The following DGKZ variants were observed in gnomAD, a reference collection of about 807,000 sequenced individuals.
The protein encoded by DGKZ is DAG kinase zeta.
DGKZ carries 45 observed loss-of-function variants against 142.5 expected under a neutral mutation model. That is an observed-to-expected ratio of 0.32 (90% CI 0.25 to 0.40). The LOEUF (loss-of-function observed/expected upper bound fraction) is 0.40, where lower values mean the gene tolerates loss of function less well. DGKZ is among the 10% of genes least tolerant of loss of function. The probability of loss-of-function intolerance (pLI) is 1.00; values close to 1 mark genes in which losing one functional copy is unlikely to be tolerated. For synonymous variants in DGKZ, 442 were observed against 527.0 expected (o/e 0.84, Z 2.21); for missense variants, 755 against 1,306.5 (o/e 0.58, Z 6.51).
exon 31 of DGKZ, chr11:46,379,938 G>C (rs748812695): frequency 1.9e-6 from 3 of 1,605,598 alleles, no homozygotes; most frequent in African/African-American, 1.3e-5. Flanking sequence ...ACCAGGAGAC[G>C]GCTGTGTAGC....
chr11:46,343,845 C>T (rs919230218), upstream of DGKZ, among the ~76,000 whole-genome samples: 1 of 152,172 alleles, frequency 6.6e-6, no homozygotes, highest in Non-Finnish European at 1.5e-5. Flanking sequence ...TTCAGGTCTG[C>T]TCTCAAATAT....
intron 6 of DGKZ, among the ~76,000 whole-genome samples, chr11:46,370,990 CAA>C (rs1228693371): frequency 3.9e-5 from 6 of 152,134 alleles, no homozygotes; most frequent in African/African-American, 1.2e-4. Flanking sequence ...GAGGCTGAGA[CAA>C]GAGAATCGCT....
In DGKZ at chr11:46,366,838, C is replaced by T. The variant is rs575319324; in HGVS notation, c.162-453C>T. 7.1e-6 allele frequency: 11 copies of T among 1,546,090 alleles called. No individual in the cohort carries two copies. In the East Asian group the frequency reaches 1.7e-4, roughly 24 times the overall value. On this transcript the variant is annotated intron_variant, in intron 1 of 30. Coordinates refer to ENST00000527911, the Ensembl canonical transcript of DGKZ. ...GCCTCAGCCAGCGGCGGCCCTCAGG[C>T]CAGCACCCTGGCCCTGGGGGCCGAA... is the stretch of plus-strand genomic sequence containing the variant.
Position 46,372,194 on chromosome 11 carries a change from C to T in DGKZ, c.927+24C>T, listed in dbSNP as rs745473763. 4.0e-5 allele frequency: 63 copies of T among 1,577,764 alleles called. No individual in the cohort carries two copies. The highest frequency in any genetic ancestry group is 5.4e-5 in the Non-Finnish European group (63 of 1,158,686). On this transcript the variant is annotated intron_variant, in intron 10 of 30. Coordinates refer to ENST00000527911, the Ensembl canonical transcript of DGKZ. This position sits in a 1 kb window ranked among gnomAD's most constrained non-coding sequence, Gnocchi z 5.9. ...AGGTGAACGCGGCCTTGCCTCTCAG[C>T]TAAGGGCTCGGGCGGGGGTTGGGGT...
intron 4 of DGKZ, 80 bp from the exon 5 acceptor site, chr11:46,369,414 G>A: frequency 1.9e-6 from 3 of 1,554,138 alleles, no homozygotes; most frequent in Non-Finnish European, 2.7e-6. Context: ...ATGACTCTGG[G>A]TTGTCCTGGA....
In DGKZ at chr11:46,379,225, G is replaced by A. The variant is rs573273460; in HGVS notation, c.2562G>A (p.Ala854=). The change falls in exon 29 of 31, where the codon GCG becomes GCA. Residue 854 remains alanine, a synonymous_variant. Coordinates refer to ENST00000527911, the Ensembl canonical transcript of DGKZ. ...CAGCCCCCCCAGAGATCCTTGATGC[G>A]GTGGAGGAAAAGTAAGTATCTGGGC... 89 of 1,613,148 alleles carry A rather than the reference G, an allele frequency of 5.5e-5. 1 individual carries two copies. The Middle Eastern group carries it at 2.6e-3, about 48-fold the overall frequency.
At chr11:46,341,893 A>G (rs1940295004) in intron 1 of DGKZ, among the ~76,000 whole-genome samples, 1 of 152,206 alleles carries the variant, frequency 6.6e-6, no homozygotes, top group South Asian at 2.1e-4. Flanking sequence ...AAATCTCTGC[A>G]GGGAAAGCCT....
chr11:46,352,724 C>T (rs1299284674), intron 1 of DGKZ, among the ~76,000 whole-genome samples: 4 of 152,242 alleles, frequency 2.6e-5, no homozygotes, highest in Non-Finnish European at 5.9e-5. Context: ...GGATCTGCCA[C>T]ACCTGCGGCC....
intron 26 of DGKZ, 70 bp from the exon 27 acceptor site, chr11:46,378,387 C>A: frequency 1.3e-6 from 2 of 1,555,982 alleles, no homozygotes; most frequent in Non-Finnish European, 1.7e-6. Context: ...CCGGCACAGT[C>A]CTGTCCACTG....
At position 46,372,425 on chromosome 11, in the gene DGKZ, C is replaced by T. The variant is rs776030485; in HGVS notation, c.928-3C>T. The T allele has an allele frequency of 9.9e-6, 16 of 1,613,862 alleles. 1 individual carries two copies. In the South Asian group the frequency reaches 1.6e-4, roughly 17 times the overall value. On this transcript the variant is annotated splice_polypyrimidine_tract_variant and splice_region_variant and intron_variant, in intron 10 of 30. Coordinates refer to ENST00000527911, the Ensembl canonical transcript of DGKZ. This position sits in a 1 kb window ranked among gnomAD's most constrained non-coding sequence, Gnocchi z 5.9. ...CTGTCTCTTGGCTCCCCATCCCATC[C>T]AGGGTGCAAAGATCATCCAGTCTTT... is the stretch of plus-strand genomic sequence containing the variant.
In DGKZ at chr11:46,372,225, C is replaced by T. The variant is rs1383375590; in HGVS notation, c.927+55C>T. The T allele has an allele frequency of 9.4e-6, 14 of 1,490,834 alleles. No individual in the cohort carries two copies. The highest frequency in any genetic ancestry group is 1.2e-5 in the Non-Finnish European group (13 of 1,099,964). 92.4% of individuals were successfully genotyped at this position (1,490,834 alleles called of 1,614,324 possible). On this transcript the variant is annotated intron_variant, in intron 10 of 30. Coordinates refer to ENST00000527911, the Ensembl canonical transcript of DGKZ. This position sits in a 1 kb window ranked among gnomAD's most constrained non-coding sequence, Gnocchi z 5.9. ...GCTCGGGCGGGGGTTGGGGTCCAGC[C>T]CGTCTGCCAGCAGCTGTTCCCAGAG...
upstream of DGKZ, among the ~76,000 whole-genome samples, chr11:46,343,736 A>C (rs1940393042): frequency 6.6e-6 from 1 of 152,164 alleles, no homozygotes; most frequent in Non-Finnish European, 1.5e-5. Flanking sequence ...AATTCTCCAG[A>C]CACAAATACA....
chr11:46,377,864 C>G, intron 25 of DGKZ: 2 of 394,224 alleles, frequency 5.1e-6, no homozygotes, highest in Non-Finnish European at 9.3e-6. Flanking sequence ...CGAATCTCAG[C>G]TTGGCTGTTT....
rs1554957224 is a variant in DGKZ at position 46,372,905 on chromosome 11, G to A, written c.1185+21G>A. 1.3e-6 allele frequency: 2 copies of A among 1,561,626 alleles called. No individual in the cohort carries two copies. The highest frequency in any genetic ancestry group is 1.2e-5 in the South Asian group (1 of 85,150). On this transcript the variant is annotated intron_variant, in intron 13 of 30. Coordinates refer to ENST00000527911, the Ensembl canonical transcript of DGKZ. The surrounding 1 kb of genome is among the most constrained non-coding windows in gnomAD (Gnocchi z 5.9). ...GTGGGGTAAGCACCCATAGGAGGGG[G>A]GTGCAGCTGGGGCCTCTCCAGCCAC...
At chr11:46,369,626 G>A in intron 5 of DGKZ, 76 bp downstream of exon 5, 2 of 1,575,332 alleles carry the variant, frequency 1.3e-6, no homozygotes, top group South Asian at 1.1e-5. Flanking sequence ...CCTCTGGAGT[G>A]CCACCAGGGG....
In DGKZ at chr11:46,369,867, GC is replaced by G. The variant is rs1247465847; in HGVS notation, c.502-72del. ...CGCTTCCTGCAGCCCCGTGTGTTGAGCCGTGTGGGCAGTCCTCAGGACTGTG... is the reference window on the plus strand; with the variant it reads ...CGCTTCCTGCAGCCCCGTGTGTTGAGCGTGTGGGCAGTCCTCAGGACTGTG... On this transcript the variant is annotated intron_variant, in intron 5 of 30. Transcript: ENST00000527911. 27 of 1,521,934 alleles carry G rather than the reference GC, an allele frequency of 1.8e-5. No individual in the cohort carries two copies. In the East Asian group the frequency reaches 5.6e-4, roughly 32 times the overall value. The allele number at this position is 1,521,934 out of a possible 1,614,324, so 94.3% of individuals were successfully genotyped here. A position where few individuals can be genotyped will look rare whatever the true frequency, so the allele number is the denominator to read the frequency against.
intron 1 of DGKZ, chr11:46,366,848 G>A: frequency 6.5e-7 from 1 of 1,545,786 alleles, no homozygotes; most frequent in South Asian, 1.2e-5. Flanking sequence ...CCAGCACCCT[G>A]GCCCTGGGGG....
chr11:46,371,328 T>A (rs1377148829), exon 7 of DGKZ: 1 of 1,613,860 alleles, frequency 6.2e-7, no homozygotes, highest in Admixed American at 1.7e-5. Context: ...CCAGCAGAAG[T>A]TCACCTTCCA....
In DGKZ at chr11:46,372,119, G is replaced by A. The variant is rs1944011620; in HGVS notation, c.876G>A (p.Pro292=). The stretch of plus-strand genomic sequence containing the variant: ...TCATCATCAGGCCCACCCCCTCCCC[G>A]CTCATGAAGCCCCTGCTGGTGTTTG... Residue 292 remains proline (P), a synonymous_variant, in exon 10 of 31, where the codon CCG becomes CCA. Transcript: ENST00000527911. This position sits in a 1 kb window ranked among gnomAD's most constrained non-coding sequence, Gnocchi z 5.9. 9 of 1,611,786 alleles carry A rather than the reference G, an allele frequency of 5.6e-6. No homozygotes were observed. The highest frequency in any genetic ancestry group is 2.7e-5 in the African/African-American group (2 of 74,818).
Sources: allele counts gnomAD v4.1 joint callset (sites outside exome capture counted in the v4.1 genomes callset), GRCh38; gene constraint gnomAD v4.1.1; non-coding constraint Gnocchi (gnomAD v3.1); transcripts MANE v1.5; gene names NCBI Gene and HGNC (gene_info 2026-07-23, HGNC 2026-07-21).